Variants in SMAD2 observed in about 807,000 individuals in gnomAD.
SMAD2 encodes the protein MAD homolog 2.
In SMAD2, 8 loss-of-function variants were observed where a neutral mutation model predicts 64.4. The observed-to-expected ratio is 0.12, with a 90% CI of 0.07 to 0.22. The LOEUF is 0.22. Among genes scored for constraint, SMAD2 ranks in the 10% least tolerant of loss-of-function variants. The pLI is 1.00. For synonymous variants in SMAD2, 203 were observed against 195.8 expected, an observed-to-expected ratio of 1.04 and a Z score of -0.31; for missense variants, 289 against 561.2, an observed-to-expected ratio of 0.51 and a Z score of 4.90.
chr18:47,917,474 T>G (rs2034381779), intron 1 of SMAD2, among the ~76,000 whole-genome samples: 3 of 152,204 alleles, frequency 2.0e-5, no homozygotes. Flanking sequence ...TATGGAGATA[T>G]TTCAGCTTAT....
At chr18:47,897,518 C>G (rs1425285613) in intron 1 of SMAD2, among the ~76,000 whole-genome samples, 1 of 152,142 alleles carries the variant, frequency 6.6e-6, no homozygotes, top group Non-Finnish European at 1.5e-5. Flanking sequence ...GCTGTTTTGT[C>G]TATTCAGCGT....
At chr18:47,878,084 A>C (rs1285089874) in intron 2 of SMAD2, among the ~76,000 whole-genome samples, 1 of 152,164 alleles carries the variant, frequency 6.6e-6, no homozygotes, top group Non-Finnish European at 1.5e-5. Flanking sequence ...CCGGTATGTC[A>C]GGGTTTCATT....
intron 1 of SMAD2, among the ~76,000 whole-genome samples, chr18:47,904,129 T>C (rs2033809229): frequency 6.6e-6 from 1 of 151,502 alleles, no homozygotes; most frequent in Non-Finnish European, 1.5e-5. Context: ...CTGGGAGTCC[T>C]CGATAGAAAG....
intron 1 of SMAD2, among the ~76,000 whole-genome samples, chr18:47,901,542 T>C (rs1235931489): frequency 6.7e-6 from 1 of 149,464 alleles, no homozygotes; most frequent in African/African-American, 2.5e-5. Flanking sequence ...TTATCACATA[T>C]TCTATATCCA....
chr18:47,845,893 T>C (rs896114844), intron 8 of SMAD2, 93 bp from the exon 9 acceptor site: 8 of 1,124,694 alleles, frequency 7.1e-6, no homozygotes, highest in East Asian at 2.4e-5. Flanking sequence ...TAAAATGATA[T>C]AAGGTATTTC....
rs185327929 is a variant in SMAD2, at chr18:47,834,746, A to C, written c.*7081T>G. The C allele has an allele frequency of 4.5e-6, 1 of 221,206 alleles. No homozygotes were observed. The highest frequency in any genetic ancestry group is 2.2e-5 in the African/African-American group (1 of 44,670). 13.7% of individuals were successfully genotyped at this position (221,206 alleles called of 1,614,324 possible). The stretch of plus-strand genomic sequence containing the variant: ...AAATCTGTTTTCAGACAAATCTTCT[A>C]AAGGTTCTTCTAGCTTTGTCCAGTT... On this transcript the variant is annotated 3_prime_UTR_variant, in exon 11 of 11. Coordinates refer to ENST00000262160, the MANE Select transcript of SMAD2 (RefSeq NM_005901.6).
intron 8 of SMAD2, among the ~76,000 whole-genome samples, chr18:47,846,929 C>T (rs139917329): frequency 5.9e-5 from 9 of 152,226 alleles, no homozygotes; most frequent in Non-Finnish European, 1.0e-4. Context: ...GAACCTGGTA[C>T]GGTGGTTCTG....
Position 47,850,204 on chromosome 18 carries a change from ATAT to A in SMAD2, c.784+1067_784+1069del, listed in dbSNP as rs1354162906. 1.4e-3 allele frequency among the ~76,000 whole-genome samples: 128 copies of A among 91,964 alleles called. 1 individual carries two copies. The highest frequency in any genetic ancestry group is 8.9e-3 in the South Asian group (27 of 3,050). 60.3% of individuals were successfully genotyped at this position (91,964 alleles called of 152,430 possible). On this transcript the variant is annotated intron_variant, in intron 7 of 10. Coordinates refer to ENST00000262160, the MANE Select transcript of SMAD2 (RefSeq NM_005901.6). Reference sequence around the variant, plus strand: ...TATATATATTATATATAGTATATATATATTATTATATATATGTATAATATATAT... The same window carrying A: ...TATATATATTATATATAGTATATATATATTATATATATGTATAATATATAT...
At position 47,865,048 on chromosome 18, in the gene SMAD2, A is replaced by ATT. The variant is rs149135973; in HGVS notation, c.730+9_730+10dup. The ATT allele has an allele frequency of 2.6e-6, 4 of 1,520,194 alleles. No homozygotes were observed. The African/African-American group carries it at 5.5e-5, about 21-fold the overall frequency. 94.2% of individuals were successfully genotyped at this position (1,520,194 alleles called of 1,614,324 possible). A position where few individuals can be genotyped will look rare whatever the true frequency, so the allele number is the denominator to read the frequency against. On this transcript the variant is annotated intron_variant, in intron 6 of 10. Transcript: ENST00000262160. Reference sequence around the variant, plus strand: ...TAATAACTGAGGAATTTTCAAAGACATTTTTTTTACCTGTGTCCATACTTT... The same window carrying ATT: ...TAATAACTGAGGAATTTTCAAAGACATTTTTTTTTTACCTGTGTCCATACTTT...
chr18:47,885,225 G>A (rs1443758172), intron 2 of SMAD2, among the ~76,000 whole-genome samples: 1 of 151,010 alleles, frequency 6.6e-6, no homozygotes. Flanking sequence ...ACCCAGGCTG[G>A]AGTGCAGTGG....
intron 1 of SMAD2, among the ~76,000 whole-genome samples, chr18:47,924,669 C>T (rs1404749188): frequency 2.0e-5 from 3 of 152,074 alleles, no homozygotes; most frequent in Non-Finnish European, 2.9e-5. Flanking sequence ...ACCATGTTGG[C>T]CAGGCTGGTC....
rs1218776605 is a variant in SMAD2, at chr18:47,809,442, A to G, written c.*32385T>C. 1 of 152,298 alleles carries G rather than the reference A, an allele frequency of 6.6e-6. No individual in the cohort carries two copies. Among genetic ancestry groups the G allele is most frequent in the African/African-American group, 2.4e-5 (1 of 41,440 alleles). 9.4% of individuals were successfully genotyped at this position (152,298 alleles called of 1,614,324 possible). On this transcript the variant is annotated 3_prime_UTR_variant, in exon 11 of 11. Transcript: ENST00000262160. ...AGGATAACCTGTGGGGGAATTGTGA[A>G]GTAGACTAGCCAGTGTAGATGTGTG...
At chr18:47,885,038 C>T (rs1377027598) in intron 2 of SMAD2, among the ~76,000 whole-genome samples, 1 of 151,926 alleles carries the variant, frequency 6.6e-6, no homozygotes, top group Non-Finnish European at 1.5e-5. Context: ...CAAATACAAA[C>T]TTTTTACTTA....
At chr18:47,855,619 G>A (rs1382380313) in intron 6 of SMAD2, among the ~76,000 whole-genome samples, 1 of 151,986 alleles carries the variant, frequency 6.6e-6, no homozygotes, top group Non-Finnish European at 1.5e-5. Flanking sequence ...TTGGTTGGCA[G>A]GGGTACTTTT....
chr18:47,818,420 T>C lies in SMAD2; in HGVS notation c.*23407A>G, dbSNP rs974241856. On this transcript the variant is annotated 3_prime_UTR_variant, in exon 11 of 11. Coordinates refer to ENST00000262160, the MANE Select transcript of SMAD2 (RefSeq NM_005901.6). ...AGCCTAAAAGAACTAGATAAATACG[T>C]ATAAAAATTAGGCTCTCAAACAGGT... is the stretch of plus-strand genomic sequence containing the variant. 6.6e-6 allele frequency: 1 copy of C among 152,160 alleles called. No individual in the cohort carries two copies. Among genetic ancestry groups the C allele is most frequent in the African/African-American group, 2.4e-5 (1 of 41,430 alleles). 9.4% of individuals were successfully genotyped at this position (152,160 alleles called of 1,614,324 possible).
intron 6 of SMAD2, among the ~76,000 whole-genome samples, chr18:47,859,423 G>A (rs2030991338): frequency 6.6e-6 from 1 of 152,068 alleles, no homozygotes; most frequent in African/African-American, 2.4e-5. Context: ...ACAAGTTATA[G>A]CATAAAATAA....
At chr18:47,911,210 G>C (rs998838175) in intron 1 of SMAD2, among the ~76,000 whole-genome samples, 8 of 152,046 alleles carry the variant, frequency 5.3e-5, no homozygotes, top group Non-Finnish European at 1.2e-4. Context: ...AATTAGCTGG[G>C]CGTGGTGGCG....
In SMAD2 at chr18:47,835,397, C is replaced by A. The variant is rs1010364922; in HGVS notation, c.*6430G>T. 12 of 202,354 alleles carry A rather than the reference C, an allele frequency of 5.9e-5. No homozygotes were observed. The highest frequency in any genetic ancestry group is 2.5e-4 in the African/African-American group (11 of 43,606). The allele number at this position is 202,354 out of a possible 1,614,324, so 12.5% of individuals were successfully genotyped here. On this transcript the variant is annotated 3_prime_UTR_variant, in exon 11 of 11. Transcript: ENST00000262160. ...GATTTCCACATTCTTAAAGCAGGAACCTATATTCACCAGAAAAGGATCCTC... is the reference window on the plus strand; with the variant it reads ...GATTTCCACATTCTTAAAGCAGGAAACTATATTCACCAGAAAAGGATCCTC...
chr18:47,835,747 A>G lies in SMAD2; in HGVS notation c.*6080T>C, dbSNP rs1913358797. 1 of 189,422 alleles carries G rather than the reference A, an allele frequency of 5.3e-6. No individual in the cohort carries two copies. The highest frequency in any genetic ancestry group is 1.1e-5 in the Non-Finnish European group (1 of 90,044). 11.7% of individuals were successfully genotyped at this position (189,422 alleles called of 1,614,324 possible). On this transcript the variant is annotated 3_prime_UTR_variant, in exon 11 of 11. Transcript: ENST00000262160. ...AAATATATAATATTTAAGTACTTTT[A>G]TAATTCTAAAACTTCACTTTTGTCC...
Sources: gnomAD v4.1 joint callset for allele counts (sites outside exome capture counted in the v4.1 genomes callset) on GRCh38, gnomAD v4.1.1 for gene constraint, MANE v1.5 for transcripts, NCBI Gene and HGNC (gene_info 2026-07-23, HGNC 2026-07-21) for gene names.